Variants in RALGPS1 observed in about 807,000 individuals in gnomAD.
RALGPS1 encodes Ral GEF with PH domain and SH3 binding motif 1, also known as ras-specific guanine nucleotide-releasing factor RalGPS1.
RALGPS1 carries 19 observed loss-of-function variants against 78.8 expected under a neutral mutation model. That is an observed-to-expected ratio of 0.24 (90% confidence interval 0.17 to 0.35). The LOEUF (loss-of-function observed/expected upper bound fraction) is 0.35, where lower values mean the gene tolerates loss of function less well. Ranked by LOEUF, RALGPS1 falls within the 10% of genes least tolerant of loss-of-function variation. The pLI is 1.00. For synonymous variants in RALGPS1, 228 were observed against 256.3 expected (o/e 0.89, Z 1.06); for missense variants, 454 against 688.3 (o/e 0.66, Z 3.81).
chr9:127,187,529 G>T (rs760780444), intron 11 of RALGPS1, among the ~76,000 whole-genome samples: 4 of 152,188 alleles, frequency 2.6e-5, no homozygotes, highest in African/African-American at 7.2e-5. Context: ...AGCGCTGGGC[G>T]CATTACATTA....
intron 8 of RALGPS1, chr9:127,089,060 C>T (rs771907086): frequency 2.0e-5 from 32 of 1,614,066 alleles, no homozygotes; most frequent in East Asian, 4.5e-5. Flanking sequence ...ATGGCCCCCG[C>T]GGTACCAGAC....
At chr9:126,952,650 A>AGTGT (rs1486310137) in intron 1 of RALGPS1, among the ~76,000 whole-genome samples, 10 of 71,144 alleles carry the variant, frequency 1.4e-4, no homozygotes, top group East Asian at 5.2e-4. Context: ...AGAGAGAGAG[A>AGTGT]GAGAGAGTGT....
rs550660744 is a variant in RALGPS1, at chr9:126,975,478, G to A, written c.166-2217G>A. ...TAAATGACATTGCAAACATCCTGCC[G>A]GTTCTCCCGGATAGGGTGTTAACTT... is the stretch of plus-strand genomic sequence containing the variant. On this transcript the variant is annotated intron_variant, in intron 3 of 18. Coordinates refer to ENST00000259351, the MANE Select transcript of RALGPS1 (RefSeq NM_014636.3). Among the ~76,000 whole-genome samples the A allele has an allele frequency of 6.6e-5, 10 of 152,302 alleles. No individual in the cohort carries two copies. The South Asian group carries it at 8.3e-4, about 13-fold the overall frequency.
chr9:127,073,719 T>C (rs2050421180), intron 8 of RALGPS1, among the ~76,000 whole-genome samples: 1 of 152,192 alleles, frequency 6.6e-6, no homozygotes, highest in South Asian at 2.1e-4. Flanking sequence ...CCACCAACAG[T>C]GTGTAGTTCC....
At chr9:126,971,635 T>C (rs2040128947) in intron 3 of RALGPS1, among the ~76,000 whole-genome samples, 1 of 152,178 alleles carries the variant, frequency 6.6e-6, no homozygotes, top group Non-Finnish European at 1.5e-5. Flanking sequence ...ACCTCAGAAT[T>C]TTATTCCCCT....
At chr9:126,936,378 T>C (rs951543368) in intron 1 of RALGPS1, among the ~76,000 whole-genome samples, 17 of 152,298 alleles carry the variant, frequency 1.1e-4, no homozygotes, top group Non-Finnish European at 1.6e-4. Context: ...TTAAAGTATA[T>C]GAGAGACTTT....
At chr9:126,955,039 C>T (rs537937130) in intron 1 of RALGPS1, among the ~76,000 whole-genome samples, 1 of 152,326 alleles carries the variant, frequency 6.6e-6, no homozygotes, top group East Asian at 1.9e-4. Context: ...CTCATATTCC[C>T]ACTGGTTTGT....
chr9:127,097,051 G>T (rs920384669), intron 8 of RALGPS1, among the ~76,000 whole-genome samples: 3 of 152,162 alleles, frequency 2.0e-5, no homozygotes, highest in African/African-American at 7.2e-5. Flanking sequence ...CAAGAATGAG[G>T]GATCCATGCT....
chr9:127,133,249 C>T (rs940606476), intron 8 of RALGPS1, among the ~76,000 whole-genome samples: 8 of 152,202 alleles, frequency 5.3e-5, no homozygotes, highest in Non-Finnish European at 7.3e-5. Context: ...TGCCCGGTGC[C>T]CCGGACCCTC....
intron 8 of RALGPS1, among the ~76,000 whole-genome samples, chr9:127,163,567 A>G (rs1354721727): frequency 6.6e-6 from 1 of 152,232 alleles, no homozygotes; most frequent in African/African-American, 2.4e-5. Flanking sequence ...TCTATTTTAA[A>G]AGCAGACGAA....
chr9:127,034,474 T>C lies in RALGPS1; in HGVS notation c.260T>C (p.Leu87Pro). ...CGWSKKEKHS[L>P]APNVVAFTRR... Reference sequence around the variant, plus strand: ...TGGAGTAAGAAGGAGAAACACAGTCTTGCCCCTAACGTTGTGGCCTTTACC... The same window carrying C: ...TGGAGTAAGAAGGAGAAACACAGTCCTGCCCCTAACGTTGTGGCCTTTACC... Residue 87 changes from leucine (L) to proline (P), a missense_variant, in exon 5 of 19, where the codon CTT becomes CCT. Leu to Pro is a moderately conservative substitution (Grantham distance 98). Coordinates refer to ENST00000259351, the MANE Select transcript of RALGPS1 (RefSeq NM_014636.3). 2 of 1,614,174 alleles carry C rather than the reference T, an allele frequency of 1.2e-6. No individual in the cohort carries two copies. The highest frequency in any genetic ancestry group is 1.7e-5 in the Admixed American group (1 of 60,030).
At chr9:127,035,387 G>A (rs571783950) in intron 5 of RALGPS1, among the ~76,000 whole-genome samples, 19 of 152,302 alleles carry the variant, frequency 1.2e-4, no homozygotes, top group Non-Finnish European at 2.9e-5. Context: ...GGGAGGTAGG[G>A]TGTCTTATTT....
intron 8 of RALGPS1, among the ~76,000 whole-genome samples, chr9:127,121,982 AC>A (rs966611560): frequency 6.6e-6 from 1 of 152,042 alleles, no homozygotes; most frequent in African/African-American, 2.4e-5. Context: ...CTAAGCACAC[AC>A]CTACACACAC....
chr9:126,936,508 G>A (rs754202107), intron 1 of RALGPS1, among the ~76,000 whole-genome samples: 1 of 152,130 alleles, frequency 6.6e-6, no homozygotes, highest in Non-Finnish European at 1.5e-5. Context: ...GGTACTTAGA[G>A]GCAGCAAGAA....
At chr9:127,054,252 C>T (rs1167652473) in intron 7 of RALGPS1, among the ~76,000 whole-genome samples, 1 of 152,174 alleles carries the variant, frequency 6.6e-6, no homozygotes, top group African/African-American at 2.4e-5. Context: ...GGCTTTTTTT[C>T]AAAAGTTGCT....
intron 11 of RALGPS1, among the ~76,000 whole-genome samples, chr9:127,175,179 A>G (rs1412189107): frequency 6.6e-6 from 1 of 152,226 alleles, no homozygotes; most frequent in Non-Finnish European, 1.5e-5. Flanking sequence ...TGCCCAGGGT[A>G]TCTGGTGCCA....
chr9:127,042,637 C>A (rs1317107680), intron 5 of RALGPS1, among the ~76,000 whole-genome samples: 2 of 152,210 alleles, frequency 1.3e-5, no homozygotes, highest in African/African-American at 4.8e-5. Flanking sequence ...CTTATCCGTT[C>A]TGTACAACAT....
chr9:127,047,725 CTA>C (rs1183025010), intron 5 of RALGPS1, among the ~76,000 whole-genome samples: 1 of 151,044 alleles, frequency 6.6e-6, no homozygotes, highest in African/African-American at 2.4e-5. Flanking sequence ...GAAAAAAAGA[CTA>C]GAAGGATGCA....
intron 8 of RALGPS1, among the ~76,000 whole-genome samples, chr9:127,154,987 TG>T (rs2058632144): frequency 6.6e-6 from 1 of 152,208 alleles, no homozygotes; most frequent in Non-Finnish European, 1.5e-5. Context: ...AGGCTTTCAC[TG>T]GGGGAATCAT....
Sources: gnomAD v4.1 joint callset for allele counts (sites outside exome capture counted in the v4.1 genomes callset) on GRCh38, gnomAD v4.1.1 for gene constraint, MANE v1.5 for transcripts, NCBI Gene and HGNC (gene_info 2026-07-23, HGNC 2026-07-21) for gene names.